Variants in CNTN5 observed in about 807,000 individuals in gnomAD.
CNTN5 encodes the protein contactin-5.
Under a neutral mutation model 129.1 loss-of-function variants are expected in CNTN5, and 77 were observed. That is an observed-to-expected ratio of 0.60 (90% CI 0.50 to 0.72). The LOEUF is 0.72. Among genes scored for constraint, CNTN5 ranks in the 30% least tolerant of loss-of-function variants. The pLI is 0.00. For synonymous variants in CNTN5, 509 were observed against 465.6 expected (o/e 1.09, Z -1.20); for missense variants, 1,478 against 1,328.8 (o/e 1.11, Z -1.75).
intron 3 of CNTN5, among the ~76,000 whole-genome samples, chr11:99,623,741 C>CAAAAAA (rs5794000): frequency 7.7e-6 from 1 of 130,300 alleles, no homozygotes; most frequent in African/African-American, 2.8e-5. Context: ...GAGAAAGATA[C>CAAAAAA]AAAAAATAAA....
At chr11:100,353,912 C>A (rs1276734454) in intron 24 of CNTN5, among the ~76,000 whole-genome samples, 1 of 151,486 alleles carries the variant, frequency 6.6e-6, no homozygotes, top group Non-Finnish European at 1.5e-5. Flanking sequence ...AACTACCCCC[C>A]CAAATCCCAT....
intron 8 of CNTN5, among the ~76,000 whole-genome samples, chr11:99,963,002 G>T (rs1198759587): frequency 2.0e-5 from 3 of 152,010 alleles, no homozygotes; most frequent in Non-Finnish European, 2.9e-5. Flanking sequence ...TTTTGATGGG[G>T]TTGTTTGTTT....
At chr11:100,103,144 T>C (rs1159647089) in intron 13 of CNTN5, among the ~76,000 whole-genome samples, 3 of 152,180 alleles carry the variant, frequency 2.0e-5, no homozygotes, top group Non-Finnish European at 4.4e-5. Context: ...TCATCCACAT[T>C]TTAAAAGTGA....
chr11:100,265,769 G>T (rs1402131854), intron 17 of CNTN5, among the ~76,000 whole-genome samples: 1 of 152,022 alleles, frequency 6.6e-6, no homozygotes, highest in African/African-American at 2.4e-5. Flanking sequence ...AATGTAAATG[G>T]GAATAACTTG....
At chr11:99,022,299 A>C (rs1226567563) in intron 1 of CNTN5, among the ~76,000 whole-genome samples, 1 of 152,220 alleles carries the variant, frequency 6.6e-6, no homozygotes, top group Non-Finnish European at 1.5e-5. Context: ...TTTAAAAATT[A>C]ATGCAGATAT....
intron 3 of CNTN5, among the ~76,000 whole-genome samples, chr11:99,671,425 C>A (rs536375702): frequency 6.6e-6 from 1 of 151,990 alleles, no homozygotes; most frequent in African/African-American, 2.4e-5. Flanking sequence ...TATGAATATA[C>A]GGTTGGGTAA....
At chr11:99,623,545 A>T (rs148730034) in intron 3 of CNTN5, among the ~76,000 whole-genome samples, 2 of 152,106 alleles carry the variant, frequency 1.3e-5, no homozygotes, top group African/African-American at 4.8e-5. Context: ...GACTTACATA[A>T]CCTCTCCACA....
chr11:99,489,734 G>C (rs891507319), intron 2 of CNTN5, among the ~76,000 whole-genome samples: 2 of 152,098 alleles, frequency 1.3e-5, no homozygotes, highest in South Asian at 4.1e-4. Flanking sequence ...GTACACCATA[G>C]AAAGAATTCA....
intron 1 of CNTN5, among the ~76,000 whole-genome samples, chr11:99,153,815 C>CTTTTTTTTTTTTTTTT (rs60782977): frequency 3.9e-5 from 4 of 103,346 alleles, no homozygotes; most frequent in East Asian, 3.0e-4. Context: ...CTTTGAATGG[C>CTTTTTTTTTTTTTTTT]TTTTTTTTTT....
chr11:99,995,919 G>A (rs965035236), intron 8 of CNTN5, among the ~76,000 whole-genome samples: 5 of 152,134 alleles, frequency 3.3e-5, no homozygotes, highest in Admixed American at 2.6e-4. Context: ...CTAAATGACT[G>A]TAGGTGTTCT....
At chr11:99,897,066 A>G (rs1949225332) in intron 6 of CNTN5, among the ~76,000 whole-genome samples, 1 of 152,192 alleles carries the variant, frequency 6.6e-6, no homozygotes. Flanking sequence ...AAAGAACTTC[A>G]ATGCGTAAAA....
chr11:99,766,896 A>C (rs147070244), intron 3 of CNTN5, among the ~76,000 whole-genome samples: 1 of 152,216 alleles, frequency 6.6e-6, no homozygotes, highest in East Asian at 1.9e-4. Flanking sequence ...GATTACAACG[A>C]TATCAGCTTT....
chr11:99,104,133 G>A (rs889257800), intron 1 of CNTN5, among the ~76,000 whole-genome samples: 1 of 152,134 alleles, frequency 6.6e-6, no homozygotes, highest in Admixed American at 6.6e-5. Context: ...GAAACATGGA[G>A]GTAGACGTGG....
intron 13 of CNTN5, among the ~76,000 whole-genome samples, chr11:100,131,826 G>A (rs1946388132): frequency 6.6e-6 from 1 of 152,032 alleles, no homozygotes; most frequent in Non-Finnish European, 1.5e-5. Flanking sequence ...TTGGGGGAAG[G>A]GAGACTTGAA....
At chr11:99,668,878 A>G (rs1236960343) in intron 3 of CNTN5, among the ~76,000 whole-genome samples, 6 of 152,124 alleles carry the variant, frequency 3.9e-5, no homozygotes, top group African/African-American at 1.4e-4. Context: ...ATTGTTAAGG[A>G]CGAAAACACA....
At chr11:99,745,832 C>T (rs1455978916) in intron 3 of CNTN5, among the ~76,000 whole-genome samples, 2 of 151,650 alleles carry the variant, frequency 1.3e-5, no homozygotes, top group African/African-American at 4.9e-5. Context: ...TTCTAAGGCA[C>T]TTATAAATAG....
At chr11:100,009,471 G>A (rs999172768) in intron 9 of CNTN5, among the ~76,000 whole-genome samples, 2 of 151,990 alleles carry the variant, frequency 1.3e-5, no homozygotes, top group African/African-American at 2.4e-5. Context: ...AATGGAGGGG[G>A]ATTAATTAGT....
intron 17 of CNTN5, among the ~76,000 whole-genome samples, chr11:100,265,193 G>A (rs1470565532): frequency 6.6e-6 from 1 of 152,078 alleles, no homozygotes. Context: ...TTCTGCAAGT[G>A]ATCAATTGTA....
chr11:99,288,637 C>T (rs567027259), intron 1 of CNTN5, among the ~76,000 whole-genome samples: 1 of 151,892 alleles, frequency 6.6e-6, no homozygotes, highest in East Asian at 1.9e-4. Flanking sequence ...AGTGTAATGT[C>T]ATTTCTGAGT....
Sources: gnomAD v4.1 joint callset for allele counts (sites outside exome capture counted in the v4.1 genomes callset) on GRCh38, gnomAD v4.1.1 for gene constraint, MANE v1.5 for transcripts, NCBI Gene and HGNC (gene_info 2026-07-23, HGNC 2026-07-21) for gene names.